The following KSR2 variants were observed in gnomAD, a reference collection of about 807,000 sequenced individuals.
KSR2 encodes the protein kinase suppressor of ras 2.
KSR2 carries 25 observed loss-of-function variants against 107.8 expected under a neutral mutation model. The observed-to-expected ratio is 0.23, with a 90% CI of 0.17 to 0.32. The LOEUF (loss-of-function observed/expected upper bound fraction) is 0.32. KSR2 is among the 10% of genes least tolerant of loss of function. The pLI is 1.00. For synonymous variants in KSR2, 480 were observed against 507.0 expected (o/e 0.95, Z 0.71); for missense variants, 887 against 1,268.9 (o/e 0.70, Z 4.57).
chr12:117,949,934 G>A (rs1896310417), intron 1 of KSR2, among the ~76,000 whole-genome samples: 1 of 151,266 alleles, frequency 6.6e-6, no homozygotes, highest in African/African-American at 2.4e-5. Context: ...TAAATATACA[G>A]ACATATATGG....
At chr12:117,870,606 G>A (rs2723276) in intron 1 of KSR2, among the ~76,000 whole-genome samples, 61,036 of 151,454 alleles carry the variant, frequency 0.4, 14,095 homozygotes, top group African/African-American at 0.63. Context: ...GTCTCAAAAA[G>A]AAAAGAAAAG....
chr12:117,612,816 G>A (rs956946776), intron 5 of KSR2, among the ~76,000 whole-genome samples: 9 of 152,160 alleles, frequency 5.9e-5, no homozygotes, highest in Admixed American at 5.9e-4. Flanking sequence ...GGATCATGGT[G>A]GCAGTTTCCC....
chr12:117,597,985 A>C (rs778251265), intron 5 of KSR2, among the ~76,000 whole-genome samples: 11 of 152,170 alleles, frequency 7.2e-5, no homozygotes, highest in Middle Eastern at 3.4e-3. Flanking sequence ...GGAGTGGGGA[A>C]TTTCTCTTTT....
At chr12:117,578,601 CAAAAAAAAAAA>C (rs66919524) in intron 7 of KSR2, among the ~76,000 whole-genome samples, 41,296 of 104,374 alleles carry the variant, frequency 0.4, 6,248 homozygotes, top group Middle Eastern at 0.41. Flanking sequence ...GACTCCATCT[CAAAAAAAAAAA>C]AAAAAAAAAA....
intron 1 of KSR2, among the ~76,000 whole-genome samples, chr12:117,918,393 C>T (rs1227578513): frequency 6.6e-6 from 1 of 152,234 alleles, no homozygotes; most frequent in Non-Finnish European, 1.5e-5. Context: ...CTTCCCTAAA[C>T]TACAGCAACA....
At chr12:117,468,752 GTA>G (rs1871276418) in intron 19 of KSR2, among the ~76,000 whole-genome samples, 1 of 152,234 alleles carries the variant, frequency 6.6e-6, no homozygotes, top group Non-Finnish European at 1.5e-5. Context: ...ACCTGTGTGT[GTA>G]TGTGTCTGAG....
chr12:117,778,854 G>C (rs1025030300), intron 3 of KSR2, among the ~76,000 whole-genome samples: 9 of 152,194 alleles, frequency 5.9e-5, no homozygotes, highest in Non-Finnish European at 1.2e-4. Context: ...TGCCTCCCTT[G>C]AGTGACAGGC....
chr12:117,469,484 A>G (rs759544681), intron 19 of KSR2, among the ~76,000 whole-genome samples, 178 bp downstream of exon 19: 95 of 152,274 alleles, frequency 6.2e-4, no homozygotes, highest in Non-Finnish European at 1.1e-3. Context: ...TCCAGCACCC[A>G]AACCCCAAAA....
At chr12:117,921,276 C>G (rs754443008) in intron 1 of KSR2, among the ~76,000 whole-genome samples, 1 of 152,138 alleles carries the variant, frequency 6.6e-6, no homozygotes, top group Non-Finnish European at 1.5e-5. Flanking sequence ...GACTGACATG[C>G]TATTGTTATT....
intron 14 of KSR2, among the ~76,000 whole-genome samples, chr12:117,512,792 C>G (rs761175334): frequency 6.6e-5 from 10 of 152,136 alleles, no homozygotes; most frequent in Non-Finnish European, 1.5e-4. Flanking sequence ...CTCCCTGAGC[C>G]TAACTTCAGT....
At position 117,736,668 on chromosome 12, in the gene KSR2, T is replaced by C. The variant is rs191216553; in HGVS notation, c.986+24343A>G. ...CTACCAAAAAAATTACAAAAATTAGTTGGGTGTGGTGGTGCATGCCTGTAG... is the reference window on the plus strand; with the variant it reads ...CTACCAAAAAAATTACAAAAATTAGCTGGGTGTGGTGGTGCATGCCTGTAG... On this transcript the variant is annotated intron_variant, in intron 4 of 19. Transcript: ENST00000339824. 2.2e-4 allele frequency among the ~76,000 whole-genome samples: 33 copies of C among 151,116 alleles called. No homozygotes were observed. The East Asian group carries it at 6.2e-3, about 29-fold the overall frequency.
intron 7 of KSR2, among the ~76,000 whole-genome samples, chr12:117,569,549 C>T (rs546216001): frequency 1.8e-4 from 28 of 152,274 alleles, no homozygotes; most frequent in African/African-American, 6.3e-4. Context: ...GAACATGGGT[C>T]TCACTCCTAC....
intron 1 of KSR2, among the ~76,000 whole-genome samples, chr12:117,924,338 C>T (rs752878629): frequency 2.0e-5 from 3 of 149,512 alleles, no homozygotes; most frequent in Admixed American, 6.7e-5. Context: ...GAGGCTGAGG[C>T]GGGCGGATCA....
rs566731434 is a variant in KSR2, at chr12:117,537,488, T to C, written c.1687+2231A>G. 7.2e-5 allele frequency among the ~76,000 whole-genome samples: 11 copies of C among 152,364 alleles called. 1 individual carries two copies. Among genetic ancestry groups the C allele is most frequent in the Middle Eastern group, 6.8e-3 (2 of 294 alleles). ...CTGTCACCCTGCTAAGCTTTGTCCA[T>C]GTATTATGCCATTTCTTTCTAAAAC... is the stretch of plus-strand genomic sequence containing the variant. On this transcript the variant is annotated intron_variant, in intron 10 of 19. Coordinates refer to ENST00000339824, the MANE Select transcript of KSR2 (RefSeq NM_173598.6).
intron 5 of KSR2, among the ~76,000 whole-genome samples, chr12:117,598,470 A>T (rs1406564376): frequency 6.6e-6 from 1 of 152,186 alleles, no homozygotes; most frequent in African/African-American, 2.4e-5. Flanking sequence ...TCTTTTTCAT[A>T]TAATGACTTC....
intron 4 of KSR2, among the ~76,000 whole-genome samples, chr12:117,668,975 C>T (rs557144941): frequency 2.0e-5 from 3 of 152,152 alleles, no homozygotes; most frequent in Non-Finnish European, 4.4e-5. Context: ...AAGAAGAGCT[C>T]TTCCAGGGAC....
chr12:117,705,699 G>T (rs1029623343), intron 4 of KSR2, among the ~76,000 whole-genome samples: 1 of 152,220 alleles, frequency 6.6e-6, no homozygotes, highest in Non-Finnish European at 1.5e-5. Flanking sequence ...GTTCCTGATA[G>T]ATTGGGCCAT....
intron 3 of KSR2, among the ~76,000 whole-genome samples, chr12:117,838,452 C>T (rs1455878171): frequency 6.6e-6 from 1 of 152,176 alleles, no homozygotes; most frequent in Non-Finnish European, 1.5e-5. Context: ...CAGGTGTGAG[C>T]CACCATGCCC....
rs1313144814 is a variant in KSR2, at chr12:117,569,141, G to A, written c.1325+9978C>T. 6.6e-5 allele frequency among the ~76,000 whole-genome samples: 10 copies of A among 152,064 alleles called. No homozygotes were observed. The East Asian group carries it at 7.7e-4, about 12-fold the overall frequency. On this transcript the variant is annotated intron_variant, in intron 7 of 19. Transcript: ENST00000339824. Reference sequence around the variant, plus strand: ...TCTCCTCATCACCTGTGGCTGCAGCGATTTTGCAAAAAAATTGGACATTTT... The same window carrying A: ...TCTCCTCATCACCTGTGGCTGCAGCAATTTTGCAAAAAAATTGGACATTTT...
Sources: allele counts gnomAD v4.1 joint callset (sites outside exome capture counted in the v4.1 genomes callset), GRCh38; gene constraint gnomAD v4.1.1; transcripts MANE v1.5; gene names NCBI Gene and HGNC (gene_info 2026-07-23, HGNC 2026-07-21).